Variants in CSTF3 observed in about 807,000 individuals in gnomAD.
CSTF3 encodes the protein cleavage stimulation factor subunit 3.
A neutral mutation model predicts 105.8 loss-of-function variants in CSTF3; 29 were observed. The observed-to-expected ratio is 0.27, with a 90% CI of 0.20 to 0.37. The LOEUF is 0.37. CSTF3 is among the 10% of genes least tolerant of loss of function. The pLI, the probability that CSTF3 is intolerant of heterozygous loss-of-function variation, is 1.00. For synonymous variants in CSTF3, 252 were observed against 281.9 expected (o/e 0.89, Z 1.06); for missense variants, 357 against 879.3 (o/e 0.41, Z 7.51).
chr11:33,132,544 T>C (rs1322569763), intron 3 of CSTF3, among the ~76,000 whole-genome samples: 1 of 152,208 alleles, frequency 6.6e-6, no homozygotes, highest in Non-Finnish European at 1.5e-5. Context: ...ACACTTTTTT[T>C]CAAAGTTATT....
In CSTF3 at chr11:33,154,277, T is replaced by C. The variant is rs952427438; in HGVS notation, c.27+7022A>G. Among the ~76,000 whole-genome samples, 23 of 152,134 alleles carry C rather than the reference T, an allele frequency of 1.5e-4. 1 individual carries two copies. Among genetic ancestry groups the C allele is most frequent in the African/African-American group, 5.3e-4 (22 of 41,434 alleles). ...GGGCCATGGGCTCCACTTTAAGAAATATGTACCACCTCATCTATCTGTTCC... is the reference window on the plus strand; with the variant it reads ...GGGCCATGGGCTCCACTTTAAGAAACATGTACCACCTCATCTATCTGTTCC... On this transcript the variant is annotated intron_variant, in intron 1 of 20. Coordinates refer to ENST00000323959, the MANE Select transcript of CSTF3 (RefSeq NM_001326.3).
chr11:33,084,903 T>C lies in CSTF3; in HGVS notation c.*184A>G. On this transcript the variant is annotated 3_prime_UTR_variant, in exon 21 of 21. Transcript: ENST00000323959. The stretch of plus-strand genomic sequence containing the variant: ...CCTAATTTTGCTTAGAGCATAGGTC[T>C]GTTCCGTATTCTAAAATTCACACAG... 1.5e-6 allele frequency: 1 copy of C among 678,302 alleles called. No individual in the cohort carries two copies. The highest frequency in any genetic ancestry group is 1.8e-5 in the South Asian group (1 of 54,330). 42.0% of individuals were successfully genotyped at this position (678,302 alleles called of 1,614,324 possible).
rs191475258 is a variant in CSTF3, at chr11:33,139,138, A to T, written c.225+2529T>A. ...TCCAACTGATGTTTCAAATTTTTTT[A>T]AAAAGTTTAATACTTTTTTCCTTTG... On this transcript the variant is annotated intron_variant, in intron 3 of 20. Coordinates refer to ENST00000323959, the MANE Select transcript of CSTF3 (RefSeq NM_001326.3). 8.3e-3 allele frequency among the ~76,000 whole-genome samples: 1,256 copies of T among 151,984 alleles called. 25 individuals carry two copies. The highest frequency in any genetic ancestry group is 0.028 in the African/African-American group (1,180 of 41,528).
chr11:33,118,927 G>C (rs1855460292), intron 3 of CSTF3, among the ~76,000 whole-genome samples: 1 of 151,578 alleles, frequency 6.6e-6, no homozygotes, highest in Non-Finnish European at 1.5e-5. Flanking sequence ...AGTCCTTCCA[G>C]GCAAACTTAA....
At position 33,099,686 on chromosome 11, in the gene CSTF3, C is replaced by G; in HGVS notation, c.858G>C (p.Val286=). The G allele has an allele frequency of 6.2e-7, 1 of 1,610,042 alleles. No homozygotes were observed. The highest frequency in any genetic ancestry group is 2.2e-5 in the East Asian group (1 of 44,694). Residue 286 remains valine, a synonymous_variant, in exon 11 of 21, where the codon GTG becomes GTC. Coordinates refer to ENST00000323959, the MANE Select transcript of CSTF3 (RefSeq NM_001326.3). The surrounding 1 kb of genome is among the most constrained non-coding windows in gnomAD (Gnocchi z 4.1). ...VMFAYEQCLL[V]LGHHPDIWYE... ...ACCAAATATCAGGGTGATGGCCCAG[C>G]ACAAGCAGGCACTGTTCATAAGCAA...
intron 3 of CSTF3, among the ~76,000 whole-genome samples, chr11:33,131,228 G>C (rs909586020): frequency 5.3e-5 from 8 of 152,044 alleles, no homozygotes; most frequent in Non-Finnish European, 8.8e-5. Context: ...AGGATAACCT[G>C]GCTACACAGA....
rs574654059 is a variant in CSTF3 at position 33,154,432 on chromosome 11, C to T, written c.27+6867G>A. Among the ~76,000 whole-genome samples, 50 of 150,326 alleles carry T rather than the reference C, an allele frequency of 3.3e-4. 1 individual carries two copies. Among genetic ancestry groups the T allele is most frequent in the Admixed American group, 2.3e-3 (35 of 15,048 alleles). On this transcript the variant is annotated intron_variant, in intron 1 of 20. Transcript: ENST00000323959. The stretch of plus-strand genomic sequence containing the variant: ...TATATTTGAAGTCTTAAGTCTCTCT[C>T]TGTGGTTAACTTTTTTTCAAAATTA...
At chr11:33,108,337 G>C in intron 4 of CSTF3, 49 bp downstream of exon 4, 1 of 1,384,794 alleles carries the variant, frequency 7.2e-7, no homozygotes, top group South Asian at 1.5e-5. Context: ...ATACATACTA[G>C]GTTTTAAGTT....
intron 17 of CSTF3, among the ~76,000 whole-genome samples, chr11:33,088,989 AT>A (rs1855137727): frequency 6.6e-6 from 1 of 152,184 alleles, no homozygotes; most frequent in African/African-American, 2.4e-5. Flanking sequence ...TTTTCTAGCA[AT>A]TGCACAAAGT....
chr11:33,124,025 C>T (rs985673612), intron 3 of CSTF3, among the ~76,000 whole-genome samples: 1 of 151,798 alleles, frequency 6.6e-6, no homozygotes, highest in African/African-American at 2.4e-5. Flanking sequence ...AACCGTATTC[C>T]AAAAACCCCC....
chr11:33,160,749 A>G (rs1849929833), intron 1 of CSTF3, among the ~76,000 whole-genome samples: 1 of 152,252 alleles, frequency 6.6e-6, no homozygotes, highest in Non-Finnish European at 1.5e-5. Context: ...TGGAAAAATG[A>G]AAACGAAATG....
intron 3 of CSTF3, among the ~76,000 whole-genome samples, chr11:33,120,505 ACTT>A (rs1162941972): frequency 6.6e-6 from 1 of 151,828 alleles, no homozygotes; most frequent in Non-Finnish European, 1.5e-5. Context: ...ACTTGATATT[ACTT>A]CATTATGCTT....
At chr11:33,140,394 T>C (rs1165711031) in intron 3 of CSTF3, among the ~76,000 whole-genome samples, 1 of 151,924 alleles carries the variant, frequency 6.6e-6, no homozygotes, top group Non-Finnish European at 1.5e-5. Flanking sequence ...ACAATCTCTC[T>C]CATACATACA....
intron 8 of CSTF3, among the ~76,000 whole-genome samples, chr11:33,103,874 C>T (rs1026566459): frequency 1.3e-5 from 2 of 152,132 alleles, no homozygotes; most frequent in Non-Finnish European, 2.9e-5. Flanking sequence ...TCCTCTGTCA[C>T]CCAGGCTACA....
chr11:33,085,205 A>C lies in CSTF3; in HGVS notation c.2036T>G (p.Val679Gly). ...GGGCCTTTTGACGGCCTTGGTGAGTACTGCATTACTTTCCACGGGGCCGTT... is the reference window on the plus strand; with the variant it reads ...GGGCCTTTTGACGGCCTTGGTGAGTCCTGCATTACTTTCCACGGGGCCGTT... The part of the protein sequence containing the change: ...EGNGPVESNA[V>G]LTKAVKRPNE... Residue 679 changes from valine to glycine, a missense_variant, in exon 21 of 21, where the codon GTA becomes GGA. Physicochemically the swap from Val to Gly is moderately radical, Grantham distance 109. Transcript: ENST00000323959. 6.2e-7 allele frequency: 1 copy of C among 1,612,484 alleles called. No individual in the cohort carries two copies. Among genetic ancestry groups the C allele is most frequent in the Non-Finnish European group, 8.5e-7 (1 of 1,179,312 alleles).
Position 33,092,260 on chromosome 11 carries a change from C to A in CSTF3, c.1445+11G>T. 1 of 1,573,792 alleles carries A rather than the reference C, an allele frequency of 6.4e-7. No individual in the cohort carries two copies. The highest frequency in any genetic ancestry group is 8.6e-7 in the Non-Finnish European group (1 of 1,164,988). On this transcript the variant is annotated intron_variant, in intron 16 of 20. Transcript: ENST00000323959. ...TTAGAACCTGATCAACAACTTTTCA[C>A]AATGGCTTACCCAGACTTCTCAGGA...
intron 3 of CSTF3, among the ~76,000 whole-genome samples, chr11:33,138,449 T>C (rs763112236): frequency 3.3e-5 from 5 of 151,810 alleles, no homozygotes; most frequent in South Asian, 2.1e-4. Flanking sequence ...TTTTTGATCA[T>C]TGTAAAAAGT....
chr11:33,141,831 C>A (rs1174652876), intron 2 of CSTF3, 54 bp downstream of exon 2: 1 of 1,572,012 alleles, frequency 6.4e-7, no homozygotes, highest in East Asian at 2.2e-5. Context: ...ACTGCAGAAC[C>A]AAGTAGTGTG....
rs1471584534 is a variant in CSTF3, at chr11:33,091,856, G to GGCAT, written c.1445+411_1445+414dup. Among the ~76,000 whole-genome samples the GGCAT allele has an allele frequency of 7.9e-5, 12 of 152,174 alleles. No individual in the cohort carries two copies. In the East Asian group the frequency reaches 2.3e-3, roughly 29 times the overall value. ...CCGCCTCCCAGTATCTGGGACTACA[G>GGCAT]GCATGCACCACCACACCCAGCTAAT... On this transcript the variant is annotated intron_variant, in intron 16 of 20. Coordinates refer to ENST00000323959, the MANE Select transcript of CSTF3 (RefSeq NM_001326.3).
Sources: gnomAD v4.1 joint callset for allele counts (sites outside exome capture counted in the v4.1 genomes callset) on GRCh38, gnomAD v4.1.1 for gene constraint, Gnocchi (gnomAD v3.1) non-coding constraint, MANE v1.5 for transcripts, NCBI Gene and HGNC (gene_info 2026-07-23, HGNC 2026-07-21) for gene names.